The following CABLES1 variants were observed in gnomAD, a reference collection of about 807,000 sequenced individuals.
CABLES1 encodes CDK5 and ABL1 enzyme substrate 1.
In CABLES1, 36 loss-of-function variants were observed where a neutral mutation model predicts 57.8. The ratio of observed to expected loss-of-function variants is 0.62; its 90% CI spans 0.48 to 0.82. The LOEUF (loss-of-function observed/expected upper bound fraction) is 0.82, where lower values mean the gene tolerates loss of function less well. CABLES1 is among the 40% of genes least tolerant of loss of function. The probability of loss-of-function intolerance (pLI) is 0.00; values close to 1 mark genes in which losing one functional copy is unlikely to be tolerated. For synonymous variants in CABLES1, 374 were observed against 363.0 expected, an observed-to-expected ratio of 1.03 and a Z score of -0.35; for missense variants, 767 against 836.6, an observed-to-expected ratio of 0.92 and a Z score of 1.03.
intron 4 of CABLES1, chr18:23,214,796 G>C (rs1318260972): frequency 6.6e-6 from 1 of 152,334 alleles, no homozygotes; most frequent in East Asian, 1.9e-4. Flanking sequence ...TCTGGTCATT[G>C]TGCCAGCCAC....
chr18:23,256,393 A>G (rs1309337203), intron 9 of CABLES1, among the ~76,000 whole-genome samples: 3 of 152,252 alleles, frequency 2.0e-5, no homozygotes, highest in Non-Finnish European at 2.9e-5. Context: ...AGATCCTTGT[A>G]AGATGAAAGG....
intron 1 of CABLES1, chr18:23,156,091 TG>T (rs2046963783): frequency 2.0e-6 from 2 of 989,396 alleles, no homozygotes; most frequent in Admixed American, 4.1e-5. Flanking sequence ...AGTCCTGATG[TG>T]GGCCAGCAGC....
chr18:23,255,826 A>G (rs1369346187), intron 9 of CABLES1, among the ~76,000 whole-genome samples: 3 of 152,048 alleles, frequency 2.0e-5, no homozygotes, highest in Non-Finnish European at 4.4e-5. Flanking sequence ...CTCCCAAAGT[A>G]CTGGGATTTT....
Position 23,207,927 on chromosome 18 carries a change from G to C in CABLES1, c.1011-6050G>C, listed in dbSNP as rs537824142. Among the ~76,000 whole-genome samples, 16 of 152,286 alleles carry C rather than the reference G, an allele frequency of 1.1e-4. No individual in the cohort carries two copies. In the East Asian group the frequency reaches 2.9e-3, roughly 28 times the overall value. On this transcript the variant is annotated intron_variant, in intron 3 of 9. Coordinates refer to ENST00000256925, the MANE Select transcript of CABLES1 (RefSeq NM_001100619.3). ...GTAACAGTACCACCATGTGGTATTT[G>C]TGGGCTACTTAGCACAGATTCTCAG...
At chr18:23,253,413 G>A (rs2048087211) in intron 8 of CABLES1, among the ~76,000 whole-genome samples, 1 of 152,228 alleles carries the variant, frequency 6.6e-6, no homozygotes, top group South Asian at 2.1e-4. Flanking sequence ...AACCCAGGAG[G>A]TGGAGGTTGC....
In CABLES1 at chr18:23,246,598, A is replaced by G. The variant is rs182562682; in HGVS notation, c.1447-6362A>G. 1.2e-3 allele frequency among the ~76,000 whole-genome samples: 174 copies of G among 150,366 alleles called. 1 individual carries two copies. The highest frequency in any genetic ancestry group is 3.4e-3 in the Middle Eastern group (1 of 294). ...AGTAGAGATGGGGTTTCACCGTGTT[A>G]GCCAGGATGGTCTCGATCTCCTGAC... On this transcript the variant is annotated intron_variant, in intron 7 of 9. Transcript: ENST00000256925.
intron 2 of CABLES1, among the ~76,000 whole-genome samples, chr18:23,191,233 TAAAAAAGAAAACTTAA>T (rs1246703882): frequency 6.6e-6 from 1 of 152,052 alleles, no homozygotes; most frequent in Admixed American, 6.6e-5. Flanking sequence ...TGGAGTTTCT[TAAAAAAGAAAACTTAA>T]AAAAAAGAGA....
At chr18:23,231,357 A>T (rs770127814) in intron 4 of CABLES1, among the ~76,000 whole-genome samples, 33 of 152,240 alleles carry the variant, frequency 2.2e-4, no homozygotes, top group Admixed American at 1.7e-3. Flanking sequence ...TGCCACACGT[A>T]ACCATCGTAT....
chr18:23,186,151 C>A (rs1474432259), intron 1 of CABLES1, among the ~76,000 whole-genome samples: 1 of 152,204 alleles, frequency 6.6e-6, no homozygotes, highest in South Asian at 2.1e-4. Context: ...TTTGGGGTGA[C>A]CCTGCCACTG....
chr18:23,154,733 C>T (rs1035473905), intron 1 of CABLES1, among the ~76,000 whole-genome samples: 11 of 152,164 alleles, frequency 7.2e-5, no homozygotes, highest in Non-Finnish European at 5.9e-5. Flanking sequence ...GAGCAGGGAT[C>T]CCTTCTAACG....
At chr18:23,141,473 AG>A (rs1364985787) in intron 1 of CABLES1, among the ~76,000 whole-genome samples, 2 of 152,242 alleles carry the variant, frequency 1.3e-5, no homozygotes, top group Non-Finnish European at 2.9e-5. Flanking sequence ...TGTGTGCCCC[AG>A]CTGTGAGCCA....
intron 1 of CABLES1, among the ~76,000 whole-genome samples, chr18:23,152,845 A>C (rs931357205): frequency 6.6e-6 from 1 of 151,562 alleles, no homozygotes; most frequent in Non-Finnish European, 1.5e-5. Flanking sequence ...CTTGTTGCCC[A>C]GGCTGGAGTG....
intron 1 of CABLES1, among the ~76,000 whole-genome samples, chr18:23,159,678 T>G (rs1331959520): frequency 6.6e-6 from 1 of 152,238 alleles, no homozygotes; most frequent in Non-Finnish European, 1.5e-5. Context: ...TGTGAGCTTA[T>G]AAAAGACAGC....
intron 7 of CABLES1, among the ~76,000 whole-genome samples, chr18:23,252,045 C>T (rs1051057205): frequency 1.7e-4 from 26 of 150,696 alleles, no homozygotes; most frequent in African/African-American, 5.1e-4. Context: ...AAGATTGCAC[C>T]GCTGCACTCC....
intron 4 of CABLES1, among the ~76,000 whole-genome samples, chr18:23,232,583 AGCTGCAGCAGTAG>A (rs1346372161): frequency 6.6e-6 from 1 of 152,188 alleles, no homozygotes; most frequent in African/African-American, 2.4e-5. Context: ...CCTGCATAGC[AGCTGCAGCAGTAG>A]GGCAGACGGT....
At position 23,188,873 on chromosome 18, in the gene CABLES1, C is replaced by T. The variant is rs2047221756; in HGVS notation, c.881C>T (p.Thr294Ile). 2 of 1,613,850 alleles carry T rather than the reference C, an allele frequency of 1.2e-6. No individual in the cohort carries two copies. The highest frequency in any genetic ancestry group is 2.7e-5 in the African/African-American group (2 of 74,878). The change falls in exon 2 of 10, where the codon ACC becomes ATC. Residue 294 changes from threonine (T) to isoleucine (I), a missense_variant. This residue lies in a region of CABLES1 where 529 missense variants were observed against 622.8 expected (regional missense o/e 0.85). Coordinates refer to ENST00000256925, the MANE Select transcript of CABLES1 (RefSeq NM_001100619.3). ...ATCTCCCAGAGATCTTCCTTGGAGACCCTGGAAGATATTGAGGAGAACGCC... is the reference window on the plus strand; with the variant it reads ...ATCTCCCAGAGATCTTCCTTGGAGATCCTGGAAGATATTGAGGAGAACGCC... ...RLISQRSSLE[T>I]LEDIEENAPL...
chr18:23,252,341 G>A (rs1011905014), intron 7 of CABLES1, among the ~76,000 whole-genome samples: 10 of 152,102 alleles, frequency 6.6e-5, no homozygotes, highest in African/African-American at 1.2e-4. Flanking sequence ...TGAATGGTAC[G>A]CCTAGAAATG....
chr18:23,182,779 C>T (rs1341830142), intron 1 of CABLES1, among the ~76,000 whole-genome samples: 1 of 152,226 alleles, frequency 6.6e-6, no homozygotes, highest in Non-Finnish European at 1.5e-5. Context: ...TGAGCTGCTG[C>T]CCCAGGTGAC....
intron 4 of CABLES1, among the ~76,000 whole-genome samples, chr18:23,226,310 G>C (rs551743179): frequency 2.4e-4 from 36 of 152,084 alleles, no homozygotes; most frequent in African/African-American, 8.2e-4. Flanking sequence ...GCTGAGGCAG[G>C]AGAATTGCTT....
Sources: allele counts gnomAD v4.1 joint callset (sites outside exome capture counted in the v4.1 genomes callset), GRCh38; gene constraint gnomAD v4.1.1; regional missense constraint gnomAD v4.1.1; transcripts MANE v1.5; gene names NCBI Gene and HGNC (gene_info 2026-07-23, HGNC 2026-07-21).